AGBL4: variants seen among roughly 807,000 people sequenced by gnomAD.
The protein encoded by AGBL4 is cytosolic carboxypeptidase 6.
In AGBL4, 58 loss-of-function variants were observed where a neutral mutation model predicts 66.4. That is an observed-to-expected ratio of 0.87 (90% CI 0.71 to 1.09). AGBL4 has a LOEUF of 1.09. Ranked by LOEUF, AGBL4 falls within the 50% of genes least tolerant of loss-of-function variation. The pLI, the probability that AGBL4 is intolerant of heterozygous loss-of-function variation, is 0.00. For synonymous variants in AGBL4, 234 were observed against 222.9 expected (o/e 1.05, Z -0.44); for missense variants, 579 against 631.0 (o/e 0.92, Z 0.88).
At chr1:49,207,919 G>A (rs1219080783) in intron 4 of AGBL4, among the ~76,000 whole-genome samples, 1 of 151,840 alleles carries the variant, frequency 6.6e-6, no homozygotes, top group Non-Finnish European at 1.5e-5. Flanking sequence ...TGCCATGCAT[G>A]CTATTGATAT....
At chr1:49,881,286 C>A (rs1459272802) in intron 1 of AGBL4, among the ~76,000 whole-genome samples, 2 of 152,100 alleles carry the variant, frequency 1.3e-5, no homozygotes, top group Non-Finnish European at 2.9e-5. Flanking sequence ...TCCAGTCTAT[C>A]ATTGTTGGAC....
intron 5 of AGBL4, among the ~76,000 whole-genome samples, chr1:48,882,199 TG>T (rs966805379): frequency 6.6e-4 from 100 of 152,316 alleles, no homozygotes; most frequent in African/African-American, 2.3e-3. Context: ...CACTACCTAA[TG>T]TGATCATGCT....
At chr1:48,567,831 T>C (rs1644500691) in intron 11 of AGBL4, among the ~76,000 whole-genome samples, 1 of 152,104 alleles carries the variant, frequency 6.6e-6, no homozygotes. Context: ...CCGAGAAATT[T>C]TTGATACTAT....
At chr1:49,318,539 T>C (rs1031126469) in intron 3 of AGBL4, among the ~76,000 whole-genome samples, 1 of 152,152 alleles carries the variant, frequency 6.6e-6, no homozygotes, top group African/African-American at 2.4e-5. Context: ...GGTAGGAAAC[T>C]GAGGCAGATA....
intron 6 of AGBL4, among the ~76,000 whole-genome samples, chr1:48,864,446 ATACG>A (rs1647795889): frequency 6.6e-6 from 1 of 152,226 alleles, no homozygotes; most frequent in African/African-American, 2.4e-5. Context: ...TCTCATACTC[ATACG>A]TAAAGAGACA....
chr1:49,136,832 C>T (rs1646021346), intron 4 of AGBL4, among the ~76,000 whole-genome samples: 1 of 152,100 alleles, frequency 6.6e-6, no homozygotes, highest in African/African-American at 2.4e-5. Flanking sequence ...TGCAGGAATT[C>T]CCACTGCTGT....
chr1:48,916,826 T>C (rs1391043263), intron 5 of AGBL4, among the ~76,000 whole-genome samples: 1 of 151,992 alleles, frequency 6.6e-6, no homozygotes, highest in Non-Finnish European at 1.5e-5. Flanking sequence ...TGTCAATGCC[T>C]TTGATAAGGA....
In AGBL4 at chr1:48,770,824, T is replaced by G. The variant is rs919164096; in HGVS notation, c.634+96367A>C. On this transcript the variant is annotated intron_variant, in intron 6 of 13. Transcript: ENST00000371839. Reference sequence around the variant, plus strand: ...TTACTAAGTCCCATGAATTAGTCCCTCCTTCCTTAAAATATCTCAGGTCCA... The same window carrying G: ...TTACTAAGTCCCATGAATTAGTCCCGCCTTCCTTAAAATATCTCAGGTCCA... Among the ~76,000 whole-genome samples, 5 of 152,304 alleles carry G rather than the reference T, an allele frequency of 3.3e-5. No individual in the cohort carries two copies. In the East Asian group the frequency reaches 5.8e-4, roughly 18 times the overall value.
chr1:49,951,712 C>T (rs906323012), intron 1 of AGBL4, among the ~76,000 whole-genome samples: 8 of 151,918 alleles, frequency 5.3e-5, no homozygotes, highest in Non-Finnish European at 1.0e-4. Context: ...AGAGACTCTT[C>T]CTTTGTTATT....
At chr1:49,408,363 ATTTATATCCATGTC>A (rs1645247396) in intron 3 of AGBL4, among the ~76,000 whole-genome samples, 1 of 152,252 alleles carries the variant, frequency 6.6e-6, no homozygotes, top group Non-Finnish European at 1.5e-5. Context: ...TATAAAATAA[ATTTATATCCATGTC>A]TTCACTGATC....
At chr1:49,658,089 A>G (rs900484892) in intron 3 of AGBL4, among the ~76,000 whole-genome samples, 2 of 152,186 alleles carry the variant, frequency 1.3e-5, no homozygotes, top group Non-Finnish European at 1.5e-5. Flanking sequence ...AATGGGAGAA[A>G]ATTTTTGCAA....
At chr1:49,808,730 T>C (rs1645030330) in intron 2 of AGBL4, among the ~76,000 whole-genome samples, 1 of 152,272 alleles carries the variant, frequency 6.6e-6, no homozygotes, top group South Asian at 2.1e-4. Flanking sequence ...AAATGCCCTG[T>C]TCCTAACATA....
intron 5 of AGBL4, among the ~76,000 whole-genome samples, chr1:49,018,705 G>C (rs1663010679): frequency 6.6e-6 from 1 of 152,110 alleles, no homozygotes; most frequent in Non-Finnish European, 1.5e-5. Context: ...CAGAAACCTA[G>C]AAATAATGCT....
intron 3 of AGBL4, among the ~76,000 whole-genome samples, chr1:49,404,918 T>C (rs974866442): frequency 6.6e-6 from 1 of 152,234 alleles, no homozygotes; most frequent in African/African-American, 2.4e-5. Context: ...GAATTTCACA[T>C]GCTGCTAGGA....
chr1:48,776,994 C>G (rs1213096367), intron 6 of AGBL4: 1 of 177,880 alleles, frequency 5.6e-6, no homozygotes, highest in African/African-American at 2.7e-5. Flanking sequence ...CTGAAAGCAC[C>G]GTTCTGCCAA....
At chr1:49,312,450 A>T (rs1644958752) in intron 3 of AGBL4, among the ~76,000 whole-genome samples, 1 of 152,062 alleles carries the variant, frequency 6.6e-6, no homozygotes, top group East Asian at 1.9e-4. Flanking sequence ...TTGTTATGGG[A>T]GTAGGAATGG....
chr1:49,824,287 A>G (rs1304876485), intron 2 of AGBL4, among the ~76,000 whole-genome samples: 1 of 152,166 alleles, frequency 6.6e-6, no homozygotes, highest in African/African-American at 2.4e-5. Context: ...GAGAGTCAAA[A>G]TAAAGATATA....
At chr1:49,475,428 A>C (rs1390163336) in intron 3 of AGBL4, among the ~76,000 whole-genome samples, 1 of 151,962 alleles carries the variant, frequency 6.6e-6, no homozygotes, top group African/African-American at 2.4e-5. Context: ...TTTGGCACCA[A>C]GATGATATTG....
intron 1 of AGBL4, among the ~76,000 whole-genome samples, chr1:49,988,761 C>G (rs916318907): frequency 2.6e-5 from 4 of 152,128 alleles, no homozygotes; most frequent in Non-Finnish European, 5.9e-5. Context: ...ATAAAAATCA[C>G]TTCAATCCCA....
Sources: allele counts gnomAD v4.1 joint callset (sites outside exome capture counted in the v4.1 genomes callset), GRCh38; gene constraint gnomAD v4.1.1; transcripts MANE v1.5; gene names NCBI Gene and HGNC (gene_info 2026-07-23, HGNC 2026-07-21).